Variants in PMP2 observed in about 807,000 individuals in gnomAD.
PMP2 encodes peripheral myelin protein 2, also known as myelin P2 protein.
In PMP2, 11 loss-of-function variants were observed where a neutral mutation model predicts 15.9. The ratio of observed to expected loss-of-function variants is 0.69; its 90% confidence interval spans 0.44 to 1.14. PMP2 has a LOEUF of 1.14. Among genes scored for constraint, PMP2 ranks in the 50% most tolerant of loss-of-function variants. PMP2 has a pLI of 0.00. For missense variants in PMP2, 151 were observed against 154.0 expected (o/e 0.98, Z 0.10); for synonymous variants, 55 against 54.1 (o/e 1.02, Z -0.07).
chr8:81,444,113 A>G (rs1334900346), intron 3 of PMP2, among the ~76,000 whole-genome samples: 3 of 152,350 alleles, frequency 2.0e-5, no homozygotes, highest in African/African-American at 4.8e-5. Context: ...AAATTGTGGG[A>G]TATCTGCAAA....
At chr8:81,444,628 C>T in intron 2 of PMP2, 27 bp from the exon 3 acceptor site, 1 of 1,571,378 alleles carries the variant, frequency 6.4e-7, no homozygotes, top group Non-Finnish European at 8.7e-7. Context: ...ATGCAATTGA[C>T]TTGCCTGAAA....
rs1184353981 is a variant in PMP2 at position 81,443,331 on chromosome 8, T to C, written c.*67A>G. 1.1e-5 allele frequency: 12 copies of C among 1,079,462 alleles called. No homozygotes were observed. The Admixed American group carries it at 2.1e-4, about 19-fold the overall frequency. 66.9% of individuals were successfully genotyped at this position (1,079,462 alleles called of 1,614,324 possible). On this transcript the variant is annotated 3_prime_UTR_variant, in exon 4 of 4. Coordinates refer to ENST00000256103, the MANE Select transcript of PMP2 (RefSeq NM_002677.5). ...CAAATATTTGCAGTGTATTCAGTTT[T>C]GTCAATGGAAGCAATTGATTTCCAT...
In PMP2 at chr8:81,444,497, T is replaced by A; in HGVS notation, c.348+3A>T. On this transcript the variant is annotated splice_donor_region_variant and intron_variant, in intron 3 of 3. Coordinates refer to ENST00000256103, the MANE Select transcript of PMP2 (RefSeq NM_002677.5). ...CTCTATTTAGAAGTAAAGATACTCT[T>A]ACCGCTACCATTTTCCCATTCACTA... is the stretch of plus-strand genomic sequence containing the variant. The A allele has an allele frequency of 6.3e-7, 1 of 1,577,110 alleles. No homozygotes were observed. Among genetic ancestry groups the A allele is most frequent in the Non-Finnish European group, 8.7e-7 (1 of 1,146,738 alleles).
At chr8:81,444,646 A>C (rs2129706998) in intron 2 of PMP2, 45 bp from the exon 3 acceptor site, 1 of 1,534,468 alleles carries the variant, frequency 6.5e-7, no homozygotes, top group Non-Finnish European at 9.0e-7. Context: ...AAATTTGTTG[A>C]TCAAAGAAGC....
At chr8:81,443,788 A>T (rs942932191) in intron 3 of PMP2, among the ~76,000 whole-genome samples, 2 of 152,144 alleles carry the variant, frequency 1.3e-5, no homozygotes, top group Non-Finnish European at 2.9e-5. Context: ...TCCTCCCCCA[A>T]GAGATTTACA....
In PMP2 at chr8:81,444,585, T is replaced by C. The variant is rs761502647; in HGVS notation, c.263A>G (p.Gln88Arg). 6.2e-7 allele frequency: 1 copy of C among 1,613,786 alleles called. No homozygotes were observed. The highest frequency in any genetic ancestry group is 8.5e-7 in the Non-Finnish European group (1 of 1,179,718). Reference protein sequence around the residue: ...NRKTKSIVTLQRGSLNQVQRW... With the variant: ...NRKTKSIVTLRRGSLNQVQRW... ...CTGCACTTGATTCAGTGATCCTCTC[T>C]GCAGGGTTACGATGCTCTGCAAAGA... Residue 88 changes from glutamine to arginine, a missense_variant, in exon 3 of 4, where the codon CAG becomes CGG. Transcript: ENST00000256103.
Position 81,444,735 on chromosome 8 carries a change from C to T in PMP2, c.246+82G>A, listed in dbSNP as rs967087919. ...ACACTCCTTTTCAACAGAATTGAGTCTACCCTTTTACACTAGCAGGAATAT... is the reference window on the plus strand; with the variant it reads ...ACACTCCTTTTCAACAGAATTGAGTTTACCCTTTTACACTAGCAGGAATAT... On this transcript the variant is annotated intron_variant, in intron 2 of 3. Coordinates refer to ENST00000256103, the MANE Select transcript of PMP2 (RefSeq NM_002677.5). 9.5e-5 allele frequency: 134 copies of T among 1,410,058 alleles called. 2 individuals carry two copies. Among genetic ancestry groups the T allele is most frequent in the Non-Finnish European group, 7.5e-5 (75 of 1,005,510 alleles). The allele number at this position is 1,410,058 out of a possible 1,614,324, so 87.3% of individuals were successfully genotyped here.
chr8:81,444,782 C>A, intron 2 of PMP2, 35 bp downstream of exon 2: 1 of 1,602,962 alleles, frequency 6.2e-7, no homozygotes, highest in Non-Finnish European at 8.5e-7. Context: ...AAGCAGCCCA[C>A]TGGGCCAACT....
In PMP2 at chr8:81,441,723, C is replaced by T. The variant is rs1807350927; in HGVS notation, c.*1675G>A. ...TTATTTATTTTTCTCAATTATTTTG[C>T]TCTCAGATTGGCTCAAGTTTGGCCA... On this transcript the variant is annotated 3_prime_UTR_variant, in exon 4 of 4. Transcript: ENST00000256103. The T allele has an allele frequency of 1.3e-5, 2 of 151,522 alleles. No homozygotes were observed. Among genetic ancestry groups the T allele is most frequent in the Admixed American group, 1.3e-4 (2 of 15,214 alleles). The allele number at this position is 151,522 out of a possible 1,614,324, so 9.4% of individuals were successfully genotyped here.
Position 81,443,021 on chromosome 8 carries a change from G to C in PMP2, c.*377C>G, listed in dbSNP as rs566431408. The C allele has an allele frequency of 6.3e-6, 1 of 158,156 alleles. No individual in the cohort carries two copies. Among genetic ancestry groups the C allele is most frequent in the South Asian group, 1.9e-4 (1 of 5,138 alleles). 9.8% of individuals were successfully genotyped at this position (158,156 alleles called of 1,614,324 possible). ...ATGCTCCTTCCCCATATCTCCTCTG[G>C]CCCCTGTCAGCATTTGAGTTTGCTA... On this transcript the variant is annotated 3_prime_UTR_variant, in exon 4 of 4. Coordinates refer to ENST00000256103, the MANE Select transcript of PMP2 (RefSeq NM_002677.5).
Position 81,444,416 on chromosome 8 carries a change from A to G in PMP2, c.348+84T>C, listed in dbSNP as rs909615392. On this transcript the variant is annotated intron_variant, in intron 3 of 3. Transcript: ENST00000256103. ...GTCATTTTTATCCATTCATATTCCA[A>G]AGAACAAAGAATATTTTGAAAACAA... The G allele has an allele frequency of 3.6e-6, 3 of 842,204 alleles. No homozygotes were observed. In the African/African-American group the frequency reaches 5.1e-5, roughly 14 times the overall value. 52.2% of individuals were successfully genotyped at this position (842,204 alleles called of 1,614,324 possible). A position where few individuals can be genotyped will look rare whatever the true frequency, so the allele number is the denominator to read the frequency against.
Position 81,440,670 on chromosome 8 carries a change from C to A in PMP2, c.*2728G>T, listed in dbSNP as rs573549030. The A allele has an allele frequency of 5.3e-5, 8 of 152,146 alleles. No individual in the cohort carries two copies. Among genetic ancestry groups the A allele is most frequent in the African/African-American group, 1.7e-4 (7 of 41,430 alleles). The allele number at this position is 152,146 out of a possible 1,614,324, so 9.4% of individuals were successfully genotyped here. A position where few individuals can be genotyped will look rare whatever the true frequency, so the allele number is the denominator to read the frequency against. On this transcript the variant is annotated 3_prime_UTR_variant, in exon 4 of 4. Coordinates refer to ENST00000256103, the MANE Select transcript of PMP2 (RefSeq NM_002677.5). ...TTATTGTTAAATTTTACCTCATTTACTTTATCAATTGCTCTTTCTCTATTT... is the reference window on the plus strand; with the variant it reads ...TTATTGTTAAATTTTACCTCATTTAATTTATCAATTGCTCTTTCTCTATTT...
In PMP2 at chr8:81,444,558, C is replaced by G; in HGVS notation, c.290G>C (p.Arg97Thr). 6.2e-7 allele frequency: 1 copy of G among 1,614,124 alleles called. No individual in the cohort carries two copies. The highest frequency in any genetic ancestry group is 8.5e-7 in the Non-Finnish European group (1 of 1,179,970). ...TATGGTTGTCTCTTTGCCATCCCAT[C>G]TCTGCACTTGATTCAGTGATCCTCT... is the stretch of plus-strand genomic sequence containing the variant. Reference protein sequence around the residue: ...LQRGSLNQVQRWDGKETTIKR... With the variant: ...LQRGSLNQVQTWDGKETTIKR... The change falls in exon 3 of 4, where the codon AGA becomes ACA. Residue 97 changes from arginine (R) to threonine (T), a missense_variant. By Grantham distance (71) the Arg-to-Thr change is moderately conservative (BLOSUM62 -1). Transcript: ENST00000256103.
chr8:81,440,365 A>G lies in PMP2; in HGVS notation c.*3033T>C, dbSNP rs1223791844. The G allele has an allele frequency of 6.6e-6, 1 of 152,230 alleles. No individual in the cohort carries two copies. Among genetic ancestry groups the G allele is most frequent in the Non-Finnish European group, 1.5e-5 (1 of 68,044 alleles). 9.4% of individuals were successfully genotyped at this position (152,230 alleles called of 1,614,324 possible). A position where few individuals can be genotyped will look rare whatever the true frequency, so the allele number is the denominator to read the frequency against. On this transcript the variant is annotated 3_prime_UTR_variant, in exon 4 of 4. Transcript: ENST00000256103. ...AGAAATTATATTTATTGAGGAATAAATTTTATAACAAGTTGTATTATCACA... is the reference window on the plus strand; with the variant it reads ...AGAAATTATATTTATTGAGGAATAAGTTTTATAACAAGTTGTATTATCACA...
chr8:81,445,096 A>T (rs1373065772), intron 1 of PMP2, 107 bp from the exon 2 acceptor site: 1 of 764,816 alleles, frequency 1.3e-6, no homozygotes, highest in Non-Finnish European at 2.1e-6. Flanking sequence ...AGTTGATGGC[A>T]GGTAATATCA....
Position 81,444,947 on chromosome 8 carries a change from G to C in PMP2, c.116C>G (p.Pro39Arg), listed in dbSNP as rs766772450. Residue 39 changes from proline (P) to arginine (R), a missense_variant, in exon 2 of 4, where the codon CCC (proline) becomes CGC (arginine). Physicochemically the swap from Pro to Arg is moderately radical, Grantham distance 103. Coordinates refer to ENST00000256103, the MANE Select transcript of PMP2 (RefSeq NM_002677.5). ...TCCTTTCTTGCTGATGATCACAGTGGGTTTGGCCAAATTTCCCAGTTTTCT... is the reference window on the plus strand; with the variant it reads ...TCCTTTCTTGCTGATGATCACAGTGCGTTTGGCCAAATTTCCCAGTTTTCT... ...ATRKLGNLAK[P>R]TVIISKKGDI... is the part of the protein sequence containing the mutation. 21 of 1,613,814 alleles carry C rather than the reference G, an allele frequency of 1.3e-5. No individual in the cohort carries two copies. The highest frequency in any genetic ancestry group is 1.7e-5 in the Non-Finnish European group (20 of 1,179,870).
chr8:81,444,321 G>A (rs1176353282), intron 3 of PMP2, among the ~76,000 whole-genome samples, 179 bp downstream of exon 3: 3 of 151,702 alleles, frequency 2.0e-5, no homozygotes, highest in Admixed American at 2.0e-4. Flanking sequence ...TAAAATCTTG[G>A]GTCAGTACTT....
In PMP2 at chr8:81,440,349, A is replaced by G. The variant is rs1178056769; in HGVS notation, c.*3049T>C. The stretch of plus-strand genomic sequence containing the variant: ...AATTTTTGCATAGTAGAGAAATTAT[A>G]TTTATTGAGGAATAAATTTTATAAC... On this transcript the variant is annotated 3_prime_UTR_variant, in exon 4 of 4. Coordinates refer to ENST00000256103, the MANE Select transcript of PMP2 (RefSeq NM_002677.5). 2 of 152,238 alleles carry G rather than the reference A, an allele frequency of 1.3e-5. No individual in the cohort carries two copies. The highest frequency in any genetic ancestry group is 2.9e-5 in the Non-Finnish European group (2 of 68,042). The allele number at this position is 152,238 out of a possible 1,614,324, so 9.4% of individuals were successfully genotyped here.
chr8:81,446,401 A>C (rs1170738379), intron 1 of PMP2, among the ~76,000 whole-genome samples: 1 of 152,194 alleles, frequency 6.6e-6, no homozygotes, highest in African/African-American at 2.4e-5. Flanking sequence ...TGATCCCCAT[A>C]AGTTCTCTTA....
Sources: gnomAD v4.1 joint callset for allele counts (sites outside exome capture counted in the v4.1 genomes callset) on GRCh38, gnomAD v4.1.1 for gene constraint, MANE v1.5 for transcripts, NCBI Gene and HGNC (gene_info 2026-07-23, HGNC 2026-07-21) for gene names.